Variants in NRG3 observed in about 807,000 individuals in gnomAD.
NRG3 encodes pro-neuregulin-3, membrane-bound isoform.
In NRG3, 31 loss-of-function variants were observed where a neutral mutation model predicts 66.9. The ratio of observed to expected loss-of-function variants is 0.46; its 90% CI spans 0.35 to 0.63. The LOEUF is 0.63. NRG3 is among the 20% of genes least tolerant of loss of function. The pLI is 0.00. For missense variants in NRG3, 910 were observed against 878.9 expected, an observed-to-expected ratio of 1.04 and a Z score of -0.45; for synonymous variants, 393 against 359.4, an observed-to-expected ratio of 1.09 and a Z score of -1.06.
intron 1 of NRG3, among the ~76,000 whole-genome samples, chr10:82,326,199 T>C (rs2081863745): frequency 6.6e-6 from 1 of 152,218 alleles, no homozygotes. Context: ...TTCTTCCCTT[T>C]CAGTTTCTTA....
chr10:82,872,307 A>AT (rs1293730543), intron 4 of NRG3, among the ~76,000 whole-genome samples: 1 of 152,196 alleles, frequency 6.6e-6, no homozygotes, highest in African/African-American at 2.4e-5. Flanking sequence ...TACATAATAC[A>AT]TTTTTTCTCT....
At chr10:82,016,946 T>A (rs900345799) in intron 1 of NRG3, among the ~76,000 whole-genome samples, 1 of 152,206 alleles carries the variant, frequency 6.6e-6, no homozygotes, top group Non-Finnish European at 1.5e-5. Flanking sequence ...TTATTTTTAT[T>A]TTTTATACTT....
In NRG3 at chr10:82,041,618, G is replaced by A. The variant is rs549849566; in HGVS notation, c.823+165455G>A. Among the ~76,000 whole-genome samples the A allele has an allele frequency of 2.0e-5, 3 of 152,046 alleles. 1 individual carries two copies. Among genetic ancestry groups the A allele is most frequent in the Admixed American group, 2.0e-4 (3 of 15,234 alleles). ...ATAATCAGAGGTTGTTTTTGCTTTG[G>A]TCAGGAACAACATTCCTCAAAATAT... On this transcript the variant is annotated intron_variant, in intron 1 of 8. Coordinates refer to ENST00000372141, the MANE Select transcript of NRG3 (RefSeq NM_001010848.4).
At chr10:82,522,595 A>G (rs1294072637) in intron 2 of NRG3, among the ~76,000 whole-genome samples, 2 of 152,178 alleles carry the variant, frequency 1.3e-5, no homozygotes, top group Non-Finnish European at 2.9e-5. Context: ...TGTTTGCAAA[A>G]TGGCCACAGT....
rs146932764 is a variant in NRG3, at chr10:82,652,592, C to G, written c.954-85985C>G. ...GCTTCTCTTCTCTCTGCTGGCTGAG[C>G]CTGGGGTTTTTATAGGCAGAGGATG... On this transcript the variant is annotated intron_variant, in intron 2 of 8. Transcript: ENST00000372141. 1.1e-4 allele frequency among the ~76,000 whole-genome samples: 17 copies of G among 152,232 alleles called. No homozygotes were observed. In the East Asian group the frequency reaches 3.3e-3, roughly 30 times the overall value.
chr10:82,929,803 G>T (rs1028754107), intron 4 of NRG3, among the ~76,000 whole-genome samples: 4 of 151,172 alleles, frequency 2.6e-5, no homozygotes, highest in African/African-American at 9.7e-5. Context: ...TTGAAGGTGG[G>T]AGGCAGAGGT....
At chr10:82,380,458 TAAG>T (rs1399840997) in intron 2 of NRG3, among the ~76,000 whole-genome samples, 3 of 152,150 alleles carry the variant, frequency 2.0e-5, no homozygotes, top group Non-Finnish European at 4.4e-5. Context: ...GTGAGTATTT[TAAG>T]AAGAAGGAGT....
intron 2 of NRG3, among the ~76,000 whole-genome samples, chr10:82,669,497 CA>C (rs1023051609): frequency 1.3e-5 from 2 of 152,060 alleles, no homozygotes; most frequent in Non-Finnish European, 2.9e-5. Context: ...TTCAAAATTC[CA>C]AAGCTCCCCA....
intron 1 of NRG3, among the ~76,000 whole-genome samples, chr10:82,133,356 C>T (rs981972283): frequency 2.6e-5 from 4 of 152,022 alleles, no homozygotes; most frequent in Non-Finnish European, 2.9e-5. Flanking sequence ...ATTTCATCAC[C>T]CAGGAATTAA....
intron 1 of NRG3, among the ~76,000 whole-genome samples, chr10:82,110,502 C>A (rs1398754649): frequency 6.6e-6 from 1 of 151,978 alleles, no homozygotes; most frequent in Non-Finnish European, 1.5e-5. Context: ...GGAGAGGTAA[C>A]AACGGAAACA....
At chr10:82,362,613 C>G (rs1423472921) in intron 2 of NRG3, among the ~76,000 whole-genome samples, 1 of 137,818 alleles carries the variant, frequency 7.3e-6, no homozygotes, top group Non-Finnish European at 1.5e-5. Context: ...TGGTCTCCAA[C>G]TCCTGGACTT....
chr10:82,794,744 TAAATACATCG>T (rs1041252874), intron 3 of NRG3, among the ~76,000 whole-genome samples: 1 of 152,106 alleles, frequency 6.6e-6, no homozygotes, highest in African/African-American at 2.4e-5. Context: ...AGATGAATTT[TAAATACATCG>T]AAGAGTAAAA....
Position 82,958,977 on chromosome 10 carries a change from C to A in NRG3, c.1186C>A (p.Leu396Met). Residue 396 changes from leucine to methionine, a missense_variant, in exon 6 of 9, where the codon CTG (leucine) becomes ATG (methionine). By Grantham distance (15) the Leu-to-Met change is conservative. Coordinates refer to ENST00000372141, the MANE Select transcript of NRG3 (RefSeq NM_001010848.4). ...ACAAGCTAAACAAATCCAAGAGCAG[C>A]TGAAAGTGCCACAAAATGGTAAAAG... Reference protein sequence around the residue: ...KKQAKQIQEQLKVPQNGKSYS... With the variant: ...KKQAKQIQEQMKVPQNGKSYS... 6.2e-7 allele frequency: 1 copy of A among 1,602,558 alleles called. No individual in the cohort carries two copies.
At chr10:82,786,331 A>T (rs1422230135) in intron 3 of NRG3, among the ~76,000 whole-genome samples, 2 of 152,138 alleles carry the variant, frequency 1.3e-5, no homozygotes, top group African/African-American at 2.4e-5. Context: ...TTGTGCCCAG[A>T]TGTGAGACAA....
At chr10:82,041,708 A>T (rs1026856073) in intron 1 of NRG3, among the ~76,000 whole-genome samples, 1 of 151,836 alleles carries the variant, frequency 6.6e-6, no homozygotes. Context: ...ACAAAGATCT[A>T]TGTCTTTCTC....
At position 82,369,539 on chromosome 10, in the gene NRG3, A is replaced by G. The variant is rs1012446902; in HGVS notation, c.953+10671A>G. Among the ~76,000 whole-genome samples the G allele has an allele frequency of 4.3e-5, 6 of 137,934 alleles. No individual in the cohort carries two copies. In the South Asian group the frequency reaches 1.1e-3, roughly 25 times the overall value. 90.5% of individuals were successfully genotyped at this position (137,934 alleles called of 152,430 possible). A position where few individuals can be genotyped will look rare whatever the true frequency, so the allele number is the denominator to read the frequency against. On this transcript the variant is annotated intron_variant, in intron 2 of 8. Transcript: ENST00000372141. The stretch of plus-strand genomic sequence containing the variant: ...GGTCACAAACTCCTGGCCACAAGTG[A>G]TCCTCCTTCCTTGGCTTCCCAAAGT...
At chr10:82,303,420 T>G (rs2080527296) in intron 1 of NRG3, among the ~76,000 whole-genome samples, 1 of 152,070 alleles carries the variant, frequency 6.6e-6, no homozygotes, top group African/African-American at 2.4e-5. Context: ...GAGGACTCTA[T>G]TATGATTTGA....
intron 1 of NRG3, among the ~76,000 whole-genome samples, chr10:82,089,859 A>G (rs963653535): frequency 3.3e-5 from 5 of 152,310 alleles, no homozygotes; most frequent in Admixed American, 3.3e-4. Context: ...CTTAGCCAAC[A>G]TAAGCATTAC....
At chr10:82,361,049 A>C (rs927956473) in intron 2 of NRG3, among the ~76,000 whole-genome samples, 2 of 152,134 alleles carry the variant, frequency 1.3e-5, no homozygotes, top group African/African-American at 2.4e-5. Flanking sequence ...GAGGAACTGG[A>C]GTTTACTTCA....
Sources: gnomAD v4.1 joint callset for allele counts (sites outside exome capture counted in the v4.1 genomes callset) on GRCh38, gnomAD v4.1.1 for gene constraint, MANE v1.5 for transcripts, NCBI Gene and HGNC (gene_info 2026-07-23, HGNC 2026-07-21) for gene names.